SUSD1: variants seen among roughly 807,000 people sequenced by gnomAD.
SUSD1 encodes sushi domain containing 1.
SUSD1 carries 65 observed loss-of-function variants against 86.9 expected under a neutral mutation model. That is an observed-to-expected ratio of 0.75 (90% CI 0.61 to 0.92). The LOEUF is 0.92. Among genes scored for constraint, SUSD1 ranks in the 40% least tolerant of loss-of-function variants. The probability of loss-of-function intolerance (pLI) is 0.00; values close to 1 mark genes in which losing one functional copy is unlikely to be tolerated. For missense variants in SUSD1, 850 were observed against 929.7 expected, an observed-to-expected ratio of 0.91 and a Z score of 1.11; for synonymous variants, 346 against 350.0, an observed-to-expected ratio of 0.99 and a Z score of 0.13.
rs150547040 is a variant in SUSD1, at chr9:112,111,327, G to A, written c.1171+327C>T. On this transcript the variant is annotated intron_variant, in intron 8 of 16. Transcript: ENST00000374270. ...CTTTTGAGTTTACTACCAAAGATAA[G>A]CCACATGGCTACCCTCTGTTGCCTT... 2.0e-5 allele frequency among the ~76,000 whole-genome samples: 3 copies of A among 152,228 alleles called. No individual in the cohort carries two copies. In the East Asian group the frequency reaches 5.8e-4, roughly 29 times the overall value.
chr9:112,144,512 C>G (rs1180764314), intron 3 of SUSD1, among the ~76,000 whole-genome samples: 1 of 152,070 alleles, frequency 6.6e-6, no homozygotes, highest in Non-Finnish European at 1.5e-5. Context: ...ACAGGCCTGG[C>G]ACGGTGGCTC....
intron 2 of SUSD1, among the ~76,000 whole-genome samples, chr9:112,156,253 G>T (rs1002135986): frequency 6.6e-6 from 1 of 152,030 alleles, no homozygotes; most frequent in Non-Finnish European, 1.5e-5. Flanking sequence ...CACGAGGTCA[G>T]GAGTTCGAGA....
chr9:112,108,442 C>G (rs1008942716), intron 8 of SUSD1, among the ~76,000 whole-genome samples: 3 of 151,262 alleles, frequency 2.0e-5, no homozygotes, highest in Non-Finnish European at 4.4e-5. Flanking sequence ...GGGCTGTGCA[C>G]CGTGACTCAA....
chr9:112,154,181 A>G (rs1419085269), intron 2 of SUSD1, among the ~76,000 whole-genome samples: 1 of 152,016 alleles, frequency 6.6e-6, no homozygotes, highest in Non-Finnish European at 1.5e-5. Flanking sequence ...TTGGAACATG[A>G]TTCACCATAT....
At chr9:112,066,553 A>G (rs948217606) in intron 12 of SUSD1, among the ~76,000 whole-genome samples, 1 of 152,206 alleles carries the variant, frequency 6.6e-6, no homozygotes, top group Non-Finnish European at 1.5e-5. Context: ...GGCTTGAAAG[A>G]AAACAAACCT....
chr9:112,160,853 A>G (rs1206589322), intron 1 of SUSD1, among the ~76,000 whole-genome samples: 1 of 152,216 alleles, frequency 6.6e-6, no homozygotes, highest in African/African-American at 2.4e-5. Flanking sequence ...TGCAAGGAGT[A>G]GTTAAATGCC....
intron 8 of SUSD1, among the ~76,000 whole-genome samples, chr9:112,105,675 C>T (rs376110953): frequency 5.3e-5 from 8 of 152,152 alleles, no homozygotes; most frequent in Non-Finnish European, 8.8e-5. Flanking sequence ...GCCAATATCA[C>T]GCCACTGCAC....
chr9:112,060,364 C>T (rs182139900), intron 13 of SUSD1, among the ~76,000 whole-genome samples: 25 of 152,186 alleles, frequency 1.6e-4, no homozygotes, highest in Non-Finnish European at 3.1e-4. Context: ...CAGGTTCAAG[C>T]GATTCTTCTG....
rs373817829 is a variant in SUSD1, at chr9:112,140,286, C to T, written c.706+2034G>A. ...CTGAGGCAGGAGAATGGCGTGAACC[C>T]GGGAAGCGGAGCTTGCCGTGAGCCG... On this transcript the variant is annotated intron_variant, in intron 5 of 16. Transcript: ENST00000374270. Among the ~76,000 whole-genome samples the T allele has an allele frequency of 2.2e-5, 2 of 91,572 alleles. 1 individual carries two copies. The highest frequency in any genetic ancestry group is 4.2e-5 in the Non-Finnish European group (2 of 47,110). The allele number at this position is 91,572 out of a possible 152,430, so 60.1% of individuals were successfully genotyped here.
Position 112,111,646 on chromosome 9 carries a change from C to T in SUSD1, c.1171+8G>A. On this transcript the variant is annotated splice_region_variant and intron_variant, in intron 8 of 16. Transcript: ENST00000374270. The stretch of plus-strand genomic sequence containing the variant: ...TCTAGGAGGAAATGAGACTTCACCT[C>T]CACCTACCAGCTGTCTGGAAACCGA... 1 of 1,611,662 alleles carries T rather than the reference C, an allele frequency of 6.2e-7. No individual in the cohort carries two copies.
chr9:112,061,443 C>T (rs887756201), intron 13 of SUSD1, among the ~76,000 whole-genome samples: 5 of 152,234 alleles, frequency 3.3e-5, no homozygotes, highest in African/African-American at 9.6e-5. Flanking sequence ...CACACTCCCT[C>T]GAATGACTCA....
At chr9:112,133,394 C>T (rs1027911247) in intron 5 of SUSD1, among the ~76,000 whole-genome samples, 2 of 152,160 alleles carry the variant, frequency 1.3e-5, no homozygotes, top group African/African-American at 2.4e-5. Flanking sequence ...AATAGAGAAC[C>T]CAGAAATGAA....
intron 3 of SUSD1, among the ~76,000 whole-genome samples, chr9:112,148,855 G>A (rs1832919305): frequency 1.3e-5 from 2 of 151,438 alleles, no homozygotes; most frequent in African/African-American, 4.9e-5. Context: ...ACAGAGAGTC[G>A]AGATTGTGCC....
intron 2 of SUSD1, among the ~76,000 whole-genome samples, chr9:112,157,192 C>T (rs1833365451): frequency 1.3e-5 from 2 of 152,124 alleles, no homozygotes; most frequent in South Asian, 4.1e-4. Context: ...TTAAGCAATG[C>T]AATATTCACT....
chr9:112,061,757 T>C (rs1828736355), intron 13 of SUSD1, among the ~76,000 whole-genome samples: 1 of 152,184 alleles, frequency 6.6e-6, no homozygotes, highest in Non-Finnish European at 1.5e-5. Flanking sequence ...TTATTATAAA[T>C]GGATATACAG....
At chr9:112,094,396 G>A (rs1379120933) in intron 10 of SUSD1, among the ~76,000 whole-genome samples, 1 of 152,086 alleles carries the variant, frequency 6.6e-6, no homozygotes, top group Admixed American at 6.6e-5. Context: ...CCACACCAAG[G>A]GCTTTTAAAT....
At chr9:112,043,057 T>C (rs1303466118) in intron 15 of SUSD1, among the ~76,000 whole-genome samples, 1 of 152,202 alleles carries the variant, frequency 6.6e-6, no homozygotes, top group Non-Finnish European at 1.5e-5. Context: ...GAACTAACTT[T>C]GGGAGGAACT....
At chr9:112,078,454 A>G in intron 12 of SUSD1, 84 bp downstream of exon 12, 3 of 1,345,358 alleles carry the variant, frequency 2.2e-6, no homozygotes, top group Non-Finnish European at 3.1e-6. Context: ...TAATGATAAA[A>G]AGCAACAGTG....
At position 112,140,176 on chromosome 9, in the gene SUSD1, C is replaced by G. The variant is rs1200508784; in HGVS notation, c.706+2144G>C. 3.1e-5 allele frequency among the ~76,000 whole-genome samples: 4 copies of G among 128,390 alleles called. 1 individual carries two copies. The highest frequency in any genetic ancestry group is 1.5e-4 in the African/African-American group (4 of 27,006). The allele number at this position is 128,390 out of a possible 152,430, so 84.2% of individuals were successfully genotyped here. A position where few individuals can be genotyped will look rare whatever the true frequency, so the allele number is the denominator to read the frequency against. ...AGGAGATCGAGACCATCCTGGCTAA[C>G]AAGGTGAAACCCCGTCTCTACCAAA... On this transcript the variant is annotated intron_variant, in intron 5 of 16. Transcript: ENST00000374270.
Sources: allele counts gnomAD v4.1 joint callset (sites outside exome capture counted in the v4.1 genomes callset), GRCh38; gene constraint gnomAD v4.1.1; transcripts MANE v1.5; gene names NCBI Gene and HGNC (gene_info 2026-07-23, HGNC 2026-07-21).